UST: variants seen among roughly 807,000 people sequenced by gnomAD.
The protein encoded by UST is uronyl 2-sulfotransferase, also known as chondroitin sulfate 2-O-sulfotransferase.
In UST, 21 loss-of-function variants were observed where a neutral mutation model predicts 45.6. That is an observed-to-expected ratio of 0.46 (90% CI 0.33 to 0.66). UST has a LOEUF of 0.66. Ranked by LOEUF, UST falls within the 30% of genes least tolerant of loss-of-function variation. UST has a pLI of 0.02. For missense variants in UST, 463 were observed against 512.4 expected (o/e 0.90, Z 0.93); for synonymous variants, 215 against 200.6 (o/e 1.07, Z -0.61).
intron 7 of UST, among the ~76,000 whole-genome samples, chr6:149,029,728 T>C (rs1003747998): frequency 6.6e-6 from 1 of 152,056 alleles, no homozygotes; most frequent in African/African-American, 2.4e-5. Flanking sequence ...TTAAGTTGTT[T>C]TTAAAAACTC....
intron 7 of UST, among the ~76,000 whole-genome samples, chr6:149,065,094 T>C: frequency 6.6e-6 from 1 of 152,100 alleles, no homozygotes; most frequent in East Asian, 1.9e-4. Context: ...GCTCATGGAG[T>C]GAGGTCTTCA....
At chr6:149,054,157 A>G (rs1040508152) in intron 7 of UST, among the ~76,000 whole-genome samples, 1 of 152,160 alleles carries the variant, frequency 6.6e-6, no homozygotes, top group Admixed American at 6.5e-5. Context: ...GGTTTTGTAA[A>G]TGTTCAGAAA....
chr6:148,920,319 T>C (rs2114894134), intron 2 of UST, among the ~76,000 whole-genome samples: 1 of 148,076 alleles, frequency 6.8e-6, no homozygotes, highest in South Asian at 2.1e-4. Flanking sequence ...TTGGTCCTAA[T>C]TGCTGTACGT....
rs562110394 is a variant in UST at position 148,820,360 on chromosome 6, T to G, written c.248-66626T>G. Among the ~76,000 whole-genome samples, 4 of 152,296 alleles carry G rather than the reference T, an allele frequency of 2.6e-5. No homozygotes were observed. The South Asian group carries it at 8.3e-4, about 32-fold the overall frequency. On this transcript the variant is annotated intron_variant, in intron 1 of 7. Transcript: ENST00000367463. ...TTCTCTTTCTGTATATCATTATTAT[T>G]TAATTTTCTGAACTATATGAAAGTT... is the stretch of plus-strand genomic sequence containing the variant.
chr6:149,044,747 G>A (rs1776374654), intron 7 of UST, among the ~76,000 whole-genome samples: 1 of 152,130 alleles, frequency 6.6e-6, no homozygotes, highest in African/African-American at 2.4e-5. Context: ...CCCATCTGGA[G>A]AGCTCCTAAA....
intron 1 of UST, among the ~76,000 whole-genome samples, chr6:148,808,341 T>C (rs985645060): frequency 1.3e-5 from 2 of 152,162 alleles, no homozygotes; most frequent in African/African-American, 4.8e-5. Flanking sequence ...TTTTCCTTCC[T>C]TTACTTTTCT....
chr6:148,810,500 G>T (rs1399618480), intron 1 of UST, among the ~76,000 whole-genome samples: 1 of 152,140 alleles, frequency 6.6e-6, no homozygotes, highest in Non-Finnish European at 1.5e-5. Flanking sequence ...TTGGTACATA[G>T]TTGCCATGCA....
chr6:148,757,268 T>G (rs913272998), intron 1 of UST, among the ~76,000 whole-genome samples: 26 of 152,240 alleles, frequency 1.7e-4, no homozygotes, highest in Admixed American at 7.8e-4. Context: ...ATAGCTGAGA[T>G]CAGTTTAGAG....
intron 1 of UST, among the ~76,000 whole-genome samples, chr6:148,877,862 C>T (rs1402992689): frequency 3.8e-5 from 4 of 105,460 alleles, no homozygotes; most frequent in African/African-American, 1.1e-4. Context: ...GTGCGGGGAT[C>T]ATGTACGAGT....
At chr6:149,016,722 G>A (rs1436253504) in intron 5 of UST, among the ~76,000 whole-genome samples, 1 of 152,168 alleles carries the variant, frequency 6.6e-6, no homozygotes, top group Non-Finnish European at 1.5e-5. Context: ...GGACTCTGGG[G>A]GGCTGACTGC....
At chr6:148,998,347 T>C (rs563272902) in intron 5 of UST, among the ~76,000 whole-genome samples, 6 of 152,324 alleles carry the variant, frequency 3.9e-5, no homozygotes, top group Admixed American at 3.9e-4. Context: ...GGGCTTCTTA[T>C]AACAGGTGAA....
At chr6:149,001,510 T>A (rs540106973) in intron 5 of UST, among the ~76,000 whole-genome samples, 1 of 152,324 alleles carries the variant, frequency 6.6e-6, no homozygotes, top group South Asian at 2.1e-4. Context: ...AATGAAGGAA[T>A]CATAGTTAGG....
intron 7 of UST, among the ~76,000 whole-genome samples, chr6:149,034,821 A>G (rs1186318737): frequency 7.6e-6 from 1 of 131,094 alleles, no homozygotes; most frequent in African/African-American, 3.0e-5. Flanking sequence ...TTTGGTTCTC[A>G]TATTCATGCT....
At chr6:148,966,632 A>G (rs538402804) in intron 5 of UST, among the ~76,000 whole-genome samples, 38 of 152,360 alleles carry the variant, frequency 2.5e-4, no homozygotes, top group African/African-American at 8.7e-4. Flanking sequence ...ATCATTTCAT[A>G]TAATGCAGTT....
chr6:148,877,858 G>A (rs1159542053), intron 1 of UST, among the ~76,000 whole-genome samples: 11 of 136,382 alleles, frequency 8.1e-5, no homozygotes, highest in Admixed American at 1.5e-4. Context: ...ACGAGTGCGG[G>A]GATCATGTAC....
At chr6:149,042,829 A>G (rs1260158795) in intron 7 of UST, among the ~76,000 whole-genome samples, 1 of 152,124 alleles carries the variant, frequency 6.6e-6, no homozygotes, top group Non-Finnish European at 1.5e-5. Flanking sequence ...TGTGTTGCCC[A>G]GGCTTGTCTC....
chr6:148,994,399 G>A (rs1275064557), intron 5 of UST, among the ~76,000 whole-genome samples: 2 of 152,238 alleles, frequency 1.3e-5, no homozygotes, highest in East Asian at 1.9e-4. Context: ...GAAAATGTTG[G>A]TTCTGATAGT....
At chr6:148,891,934 ATAAAG>A (rs1406369024) in intron 2 of UST, among the ~76,000 whole-genome samples, 1 of 152,220 alleles carries the variant, frequency 6.6e-6, no homozygotes, top group East Asian at 1.9e-4. Context: ...CAAACTGTAT[ATAAAG>A]TAAATTTTGG....
chr6:149,028,614 G>A (rs902389099), intron 7 of UST, among the ~76,000 whole-genome samples: 6 of 152,192 alleles, frequency 3.9e-5, no homozygotes, highest in East Asian at 1.9e-4. Flanking sequence ...AGAGAGGAAC[G>A]AACAATTATA....
Sources: gnomAD v4.1 joint callset for allele counts (sites outside exome capture counted in the v4.1 genomes callset) on GRCh38, gnomAD v4.1.1 for gene constraint, MANE v1.5 for transcripts, NCBI Gene and HGNC (gene_info 2026-07-23, HGNC 2026-07-21) for gene names.